The following RAB3A variants were observed in gnomAD, a reference collection of about 807,000 sequenced individuals.
The protein encoded by RAB3A is ras-related protein Rab-3A.
A neutral mutation model predicts 19.7 loss-of-function variants in RAB3A; 5 were observed. That is an observed-to-expected ratio of 0.25 (90% CI 0.13 to 0.53). The LOEUF (loss-of-function observed/expected upper bound fraction) is 0.53. Ranked by LOEUF, RAB3A falls within the 20% of genes least tolerant of loss-of-function variation. The pLI, the probability that RAB3A is intolerant of heterozygous loss-of-function variation, is 0.95. For synonymous variants in RAB3A, 119 were observed against 122.1 expected (o/e 0.97, Z 0.17); for missense variants, 189 against 305.6 (o/e 0.62, Z 2.85).
Position 18,197,139 on chromosome 19 carries a change from ACAAC to A in RAB3A, c.*327_*330del. ...GTCATCTGGCCCCTCTTCACAACTG[ACAAC>A]TGTGGATGGGGGTGAATTTTAAAAA... is the stretch of plus-strand genomic sequence containing the variant. On this transcript the variant is annotated 3_prime_UTR_variant, in exon 5 of 5. Coordinates refer to ENST00000222256, the MANE Select transcript of RAB3A (RefSeq NM_002866.5). 1 of 273,676 alleles carries A rather than the reference ACAAC, an allele frequency of 3.7e-6. No homozygotes were observed. Among genetic ancestry groups the A allele is most frequent in the Non-Finnish European group, 6.4e-6 (1 of 157,176 alleles). The allele number at this position is 273,676 out of a possible 1,614,324, so 17.0% of individuals were successfully genotyped here.
chr19:18,198,435 G>C (rs1484911477), intron 4 of RAB3A, among the ~76,000 whole-genome samples: 4 of 151,984 alleles, frequency 2.6e-5, no homozygotes, highest in Non-Finnish European at 1.5e-5. Flanking sequence ...TCCCATCCAG[G>C]TCCCTCCCTC....
chr19:18,199,460 AT>A (rs1283231841), intron 3 of RAB3A, among the ~76,000 whole-genome samples: 2 of 151,072 alleles, frequency 1.3e-5, no homozygotes, highest in East Asian at 2.0e-4. Context: ...CAACCCAGAA[AT>A]TTTTTTTTAA....
At chr19:18,201,109 C>T (rs954423178) in intron 2 of RAB3A, among the ~76,000 whole-genome samples, 1 of 151,320 alleles carries the variant, frequency 6.6e-6, no homozygotes, top group Non-Finnish European at 1.5e-5. Context: ...GTGGCATGCA[C>T]CTGTAATCCC....
At chr19:18,201,794 T>C (rs903344682) in intron 2 of RAB3A, among the ~76,000 whole-genome samples, 1 of 152,094 alleles carries the variant, frequency 6.6e-6, no homozygotes, top group Non-Finnish European at 1.5e-5. Context: ...CAGATGAAGA[T>C]GGAGAGAATT....
intron 3 of RAB3A, among the ~76,000 whole-genome samples, chr19:18,199,585 G>C (rs184083382): frequency 3.4e-4 from 51 of 151,778 alleles, no homozygotes; most frequent in Admixed American, 1.6e-3. Context: ...GAGTGCAATG[G>C]CAATCTTGGC....
intron 3 of RAB3A, 53 bp downstream of exon 3, chr19:18,200,274 C>A: frequency 6.9e-7 from 1 of 1,449,384 alleles, no homozygotes; most frequent in East Asian, 2.3e-5. Context: ...CAGAATAAAA[C>A]CCTCTCTCAA....
rs1967635469 is a variant in RAB3A, at chr19:18,202,997, G to C, written c.1-257C>G. On this transcript the variant is annotated intron_variant, in intron 1 of 4. Coordinates refer to ENST00000222256, the MANE Select transcript of RAB3A (RefSeq NM_002866.5). This position sits in a 1 kb window ranked among gnomAD's most constrained non-coding sequence, Gnocchi z 4.2. Reference sequence around the variant, plus strand: ...CCCCAGCAGCCCCCTTCAAGGGGCAGGTGCCCCAGGTGGGGCTGTAACCCT... The same window carrying C: ...CCCCAGCAGCCCCCTTCAAGGGGCACGTGCCCCAGGTGGGGCTGTAACCCT... The C allele has an allele frequency of 2.1e-6, 1 of 473,316 alleles. No homozygotes were observed. The highest frequency in any genetic ancestry group is 1.9e-5 in the African/African-American group (1 of 51,334). 29.3% of individuals were successfully genotyped at this position (473,316 alleles called of 1,614,324 possible).
chr19:18,202,418 A>T lies in RAB3A; in HGVS notation c.228+95T>A, dbSNP rs1967625250. 8.8e-7 allele frequency: 1 copy of T among 1,140,864 alleles called. No individual in the cohort carries two copies. The highest frequency in any genetic ancestry group is 1.3e-6 in the Non-Finnish European group (1 of 773,768). The allele number at this position is 1,140,864 out of a possible 1,614,324, so 70.7% of individuals were successfully genotyped here. ...TAAATGCCCAGTGTGTAAGTGAATGACTCCAGTCAGGAAAGAGATAGACGA... is the reference window on the plus strand; with the variant it reads ...TAAATGCCCAGTGTGTAAGTGAATGTCTCCAGTCAGGAAAGAGATAGACGA... On this transcript the variant is annotated intron_variant, in intron 2 of 4. Coordinates refer to ENST00000222256, the MANE Select transcript of RAB3A (RefSeq NM_002866.5). The surrounding 1 kb of genome is among the most constrained non-coding windows in gnomAD (Gnocchi z 4.2).
At position 18,202,710 on chromosome 19, in the gene RAB3A, G is replaced by T. The variant is rs754663731; in HGVS notation, c.31C>A (p.Gln11Lys). 6.2e-7 allele frequency: 1 copy of T among 1,614,134 alleles called. No homozygotes were observed. The highest frequency in any genetic ancestry group is 8.5e-7 in the Non-Finnish European group (1 of 1,180,012). Residue 11 changes from glutamine (Q) to lysine (K), a missense_variant, in exon 2 of 5, where the codon CAG (glutamine) becomes AAG (lysine). By Grantham distance (53) the Gln-to-Lys change is moderately conservative. Transcript: ENST00000222256. The surrounding 1 kb of genome is among the most constrained non-coding windows in gnomAD (Gnocchi z 4.2). ...AAGTTCTGATCCGAGGACTCCTTCT[G>T]CCCATAGCGCGAGTCTGTGGCGGAT... MASATDSRYG[Q>K]KESSDQNFDY...
At chr19:18,201,229 C>T (rs1967603825) in intron 2 of RAB3A, among the ~76,000 whole-genome samples, 2 of 132,682 alleles carry the variant, frequency 1.5e-5, no homozygotes, top group Non-Finnish European at 3.2e-5. Flanking sequence ...GAGCGAGACT[C>T]CGTCTCAAAA....
At chr19:18,200,606 TA>T (rs1967595052) in intron 2 of RAB3A, among the ~76,000 whole-genome samples, 161 bp from the exon 3 acceptor site, 1 of 152,146 alleles carries the variant, frequency 6.6e-6, no homozygotes, top group Admixed American at 6.5e-5. Context: ...GTGCTCAGAA[TA>T]TATGAGTGCT....
Position 18,197,308 on chromosome 19 carries a change from A to G in RAB3A, c.*162T>C. The G allele has an allele frequency of 1.5e-6, 1 of 681,146 alleles. No homozygotes were observed. Among genetic ancestry groups the G allele is most frequent in the Non-Finnish European group, 2.4e-6 (1 of 422,164 alleles). The allele number at this position is 681,146 out of a possible 1,614,324, so 42.2% of individuals were successfully genotyped here. On this transcript the variant is annotated 3_prime_UTR_variant, in exon 5 of 5. Coordinates refer to ENST00000222256, the MANE Select transcript of RAB3A (RefSeq NM_002866.5). ...AGGGGAGCCTGGGCCCCTGGGGGAC[A>G]TCTTCAATAAATAAATAAATAGCTA...
Position 18,202,369 on chromosome 19 carries a change from G to C in RAB3A, c.228+144C>G. ...AGAACACAGGTGCTGTTTCTGCCCC[G>C]GTACACAGTGGGCACCTTACTGATA... is the stretch of plus-strand genomic sequence containing the variant. On this transcript the variant is annotated intron_variant, in intron 2 of 4. Coordinates refer to ENST00000222256, the MANE Select transcript of RAB3A (RefSeq NM_002866.5). The surrounding 1 kb of genome is among the most constrained non-coding windows in gnomAD (Gnocchi z 4.2). The C allele has an allele frequency of 4.3e-6, 3 of 696,846 alleles. No homozygotes were observed. The highest frequency in any genetic ancestry group is 7.3e-6 in the Non-Finnish European group (3 of 411,824). 43.2% of individuals were successfully genotyped at this position (696,846 alleles called of 1,614,324 possible).
In RAB3A at chr19:18,201,914, G is replaced by A. The variant is rs965360442; in HGVS notation, c.228+599C>T. On this transcript the variant is annotated intron_variant, in intron 2 of 4. Coordinates refer to ENST00000222256, the MANE Select transcript of RAB3A (RefSeq NM_002866.5). ...AGCCCACGAGTTCAAATCCAGCCTG[G>A]GCAACAGAGTGAGACTCTGTCTCTT... Among the ~76,000 whole-genome samples the A allele has an allele frequency of 2.6e-5, 4 of 152,094 alleles. No individual in the cohort carries two copies. The East Asian group carries it at 7.7e-4, about 29-fold the overall frequency.
In RAB3A at chr19:18,200,315, G is replaced by T; in HGVS notation, c.347+12C>A. The stretch of plus-strand genomic sequence containing the variant: ...AGAAAAGAAAAAAAAAGAGCAAGTG[G>T]GGTACACTCACCAGTCCTGCACTGC... On this transcript the variant is annotated intron_variant, in intron 3 of 4. Coordinates refer to ENST00000222256, the MANE Select transcript of RAB3A (RefSeq NM_002866.5). 6.4e-7 allele frequency: 1 copy of T among 1,574,148 alleles called. No homozygotes were observed. Among genetic ancestry groups the T allele is most frequent in the Admixed American group, 1.8e-5 (1 of 54,610 alleles).
rs1265265764 is a variant in RAB3A at position 18,202,732 on chromosome 19, G to A, written c.9C>T (p.Ser3=). 1.9e-6 allele frequency: 3 copies of A among 1,613,630 alleles called. No homozygotes were observed. Among genetic ancestry groups the A allele is most frequent in the African/African-American group, 1.3e-5 (1 of 74,918 alleles). MA[S]ATDSRYGQKE... The stretch of plus-strand genomic sequence containing the variant: ...TCTGCCCATAGCGCGAGTCTGTGGC[G>A]GATGCCATCTGGGGATACCGGGTGT... Residue 3 remains serine (S), a synonymous_variant, in exon 2 of 5, where the codon TCC becomes TCT. Coordinates refer to ENST00000222256, the MANE Select transcript of RAB3A (RefSeq NM_002866.5). This position sits in a 1 kb window ranked among gnomAD's most constrained non-coding sequence, Gnocchi z 4.2.
chr19:18,197,248 C>T lies in RAB3A; in HGVS notation c.*222G>A, dbSNP rs1967541778. Reference sequence around the variant, plus strand: ...ACACCACAGCTGAGTGGGGAAAGGGCTATATGTACAGGAGGGGCAGGGCTT... The same window carrying T: ...ACACCACAGCTGAGTGGGGAAAGGGTTATATGTACAGGAGGGGCAGGGCTT... On this transcript the variant is annotated 3_prime_UTR_variant, in exon 5 of 5. Coordinates refer to ENST00000222256, the MANE Select transcript of RAB3A (RefSeq NM_002866.5). 1.3e-5 allele frequency: 7 copies of T among 529,086 alleles called. No homozygotes were observed. In the South Asian group the frequency reaches 1.6e-4, roughly 12 times the overall value. 32.8% of individuals were successfully genotyped at this position (529,086 alleles called of 1,614,324 possible).
At chr19:18,201,032 C>T (rs993335358) in intron 2 of RAB3A, among the ~76,000 whole-genome samples, 4 of 151,672 alleles carry the variant, frequency 2.6e-5, no homozygotes, top group East Asian at 3.9e-4. Context: ...GTCAGGAGTT[C>T]GAGACCAGCC....
chr19:18,197,672 G>A lies in RAB3A; in HGVS notation c.473-12C>T. On this transcript the variant is annotated splice_polypyrimidine_tract_variant and intron_variant, in intron 4 of 4. Transcript: ENST00000222256. ...AAAGAACTCGAACCCTGTGGTCAGA[G>A]AAGGCAGGGATGAGGACCCTGGCCA... The A allele has an allele frequency of 6.2e-7, 1 of 1,601,060 alleles. No individual in the cohort carries two copies. Among genetic ancestry groups the A allele is most frequent in the South Asian group, 1.1e-5 (1 of 90,314 alleles).
Sources: gnomAD v4.1 joint callset for allele counts (sites outside exome capture counted in the v4.1 genomes callset) on GRCh38, gnomAD v4.1.1 for gene constraint, Gnocchi (gnomAD v3.1) non-coding constraint, MANE v1.5 for transcripts, NCBI Gene and HGNC (gene_info 2026-07-23, HGNC 2026-07-21) for gene names.